DCBLD2: variants seen among roughly 807,000 people sequenced by gnomAD.
The protein encoded by DCBLD2 is discoidin, CUB and LCCL domain-containing protein 2.
A neutral mutation model predicts 86.8 loss-of-function variants in DCBLD2; 54 were observed. The observed-to-expected ratio is 0.62, with a 90% CI of 0.50 to 0.78. DCBLD2 has a LOEUF of 0.78. Among genes scored for constraint, DCBLD2 ranks in the 30% least tolerant of loss-of-function variants. The pLI is 0.00. For synonymous variants in DCBLD2, 354 were observed against 341.3 expected, an observed-to-expected ratio of 1.04 and a Z score of -0.41; for missense variants, 908 against 954.2, an observed-to-expected ratio of 0.95 and a Z score of 0.64.
chr3:98,886,556 A>G (rs573215165), intron 1 of DCBLD2, among the ~76,000 whole-genome samples: 2 of 152,182 alleles, frequency 1.3e-5, no homozygotes, highest in East Asian at 1.9e-4. Flanking sequence ...TCTCTTTTTC[A>G]TCTTCCTCCT....
chr3:98,860,342 G>T (rs1428134913), intron 2 of DCBLD2, among the ~76,000 whole-genome samples: 2 of 152,136 alleles, frequency 1.3e-5, no homozygotes, highest in Admixed American at 6.5e-5. Flanking sequence ...TAGCAAGGCA[G>T]GCCAACACTC....
At chr3:98,852,044 A>G (rs1005703216) in intron 2 of DCBLD2, among the ~76,000 whole-genome samples, 36 of 152,342 alleles carry the variant, frequency 2.4e-4, no homozygotes, top group African/African-American at 7.7e-4. Flanking sequence ...TGACTAAAAC[A>G]CCAAAAACAA....
intron 1 of DCBLD2, among the ~76,000 whole-genome samples, chr3:98,893,972 C>T (rs1189845235): frequency 6.6e-6 from 1 of 152,152 alleles, no homozygotes; most frequent in Non-Finnish European, 1.5e-5. Flanking sequence ...ATCACGATGA[C>T]CACATGACTT....
intron 3 of DCBLD2, among the ~76,000 whole-genome samples, chr3:98,826,848 C>T (rs939489685): frequency 6.6e-6 from 1 of 152,082 alleles, no homozygotes; most frequent in Admixed American, 6.5e-5. Context: ...CATATAAACG[C>T]TTGATTAAAG....
chr3:98,827,388 T>C (rs781483944), intron 3 of DCBLD2, among the ~76,000 whole-genome samples: 1 of 152,212 alleles, frequency 6.6e-6, no homozygotes, highest in Non-Finnish European at 1.5e-5. Context: ...TGGTCCAATA[T>C]GGCACTTAAA....
intron 3 of DCBLD2, 115 bp downstream of exon 3, chr3:98,849,346 T>C: frequency 7.7e-7 from 1 of 1,302,246 alleles, no homozygotes; most frequent in Non-Finnish European, 1.1e-6. Context: ...TGCTATTAAT[T>C]GTTCAGTCTT....
chr3:98,842,652 G>C (rs1170299675), intron 3 of DCBLD2, among the ~76,000 whole-genome samples: 1 of 152,168 alleles, frequency 6.6e-6, no homozygotes, highest in Non-Finnish European at 1.5e-5. Context: ...TTTCTCAGAT[G>C]AAAATAATTA....
At chr3:98,873,870 A>T (rs532232980) in intron 2 of DCBLD2, among the ~76,000 whole-genome samples, 2 of 152,334 alleles carry the variant, frequency 1.3e-5, no homozygotes, top group African/African-American at 2.4e-5. Flanking sequence ...GGTGGGAAGC[A>T]TAAATATGTA....
intron 1 of DCBLD2, among the ~76,000 whole-genome samples, chr3:98,897,194 C>T (rs988197921): frequency 6.6e-6 from 1 of 152,138 alleles, no homozygotes; most frequent in Non-Finnish European, 1.5e-5. Flanking sequence ...CAACTATCCC[C>T]AGGGAAAATA....
intron 2 of DCBLD2, among the ~76,000 whole-genome samples, chr3:98,862,065 C>T (rs1332580662): frequency 6.6e-6 from 1 of 152,058 alleles, no homozygotes; most frequent in Non-Finnish European, 1.5e-5. Flanking sequence ...CACAGAGATA[C>T]AAACTACCAT....
At chr3:98,891,554 G>A (rs1311687036) in intron 1 of DCBLD2, among the ~76,000 whole-genome samples, 1 of 152,006 alleles carries the variant, frequency 6.6e-6, no homozygotes, top group African/African-American at 2.4e-5. Flanking sequence ...GGTCATGTAG[G>A]TCCCTTATTT....
intron 2 of DCBLD2, among the ~76,000 whole-genome samples, chr3:98,853,425 C>T (rs1233508388): frequency 6.6e-6 from 1 of 152,220 alleles, no homozygotes; most frequent in Non-Finnish European, 1.5e-5. Context: ...TTTGCCACAG[C>T]CCTATCACTC....
intron 2 of DCBLD2, among the ~76,000 whole-genome samples, chr3:98,870,045 C>CCAGTAT (rs1943229521): frequency 1.3e-5 from 2 of 152,182 alleles, no homozygotes; most frequent in African/African-American, 4.8e-5. Context: ...GCCGCAAGTG[C>CCAGTAT]CACTGGTGAG....
At chr3:98,883,991 G>C (rs527993352) in intron 1 of DCBLD2, among the ~76,000 whole-genome samples, 2 of 152,184 alleles carry the variant, frequency 1.3e-5, no homozygotes, top group East Asian at 3.9e-4. Flanking sequence ...ATTGAATAAG[G>C]AAACTGTACA....
At chr3:98,865,198 T>C (rs1943120849) in intron 2 of DCBLD2, among the ~76,000 whole-genome samples, 1 of 152,060 alleles carries the variant, frequency 6.6e-6, no homozygotes, top group Non-Finnish European at 1.5e-5. Flanking sequence ...ATAGCCAAGA[T>C]ATGGAATCAA....
intron 3 of DCBLD2, among the ~76,000 whole-genome samples, chr3:98,840,973 G>A (rs1433284805): frequency 6.6e-6 from 1 of 152,218 alleles, no homozygotes; most frequent in Non-Finnish European, 1.5e-5. Flanking sequence ...CAGGGATTCT[G>A]CTGAAGCAAA....
intron 2 of DCBLD2, among the ~76,000 whole-genome samples, chr3:98,857,198 G>C (rs928026431): frequency 6.6e-6 from 1 of 152,160 alleles, no homozygotes; most frequent in African/African-American, 2.4e-5. Context: ...CATTCCTCCT[G>C]GTGGGTTCGT....
chr3:98,859,781 G>A (rs1402107504), intron 2 of DCBLD2, among the ~76,000 whole-genome samples: 1 of 152,182 alleles, frequency 6.6e-6, no homozygotes, highest in Non-Finnish European at 1.5e-5. Context: ...GGAAAAAACA[G>A]AGCAGAAAAT....
At chr3:98,834,839 T>C (rs1942399999) in intron 3 of DCBLD2, among the ~76,000 whole-genome samples, 1 of 152,284 alleles carries the variant, frequency 6.6e-6, no homozygotes, top group Non-Finnish European at 1.5e-5. Context: ...CAGTCTGAAC[T>C]GCTTTGACAT....
Sources: allele counts gnomAD v4.1 joint callset (sites outside exome capture counted in the v4.1 genomes callset), GRCh38; gene constraint gnomAD v4.1.1; transcripts MANE v1.5; gene names NCBI Gene and HGNC (gene_info 2026-07-23, HGNC 2026-07-21).